The following ADAM29 variants were observed in gnomAD, a reference collection of about 807,000 sequenced individuals.
ADAM29 encodes the protein ADAM metallopeptidase domain 29.
For synonymous variants in ADAM29, 367 were observed against 342.3 expected (o/e 1.07, Z -0.80); for missense variants, 969 against 1,001.8 (o/e 0.97, Z 0.44).
Position 174,976,299 on chromosome 4 carries a change from A to G in ADAM29, c.774A>G (p.Val258=). The G allele has an allele frequency of 6.2e-7, 1 of 1,612,440 alleles. No homozygotes were observed. The highest frequency in any genetic ancestry group is 8.5e-7 in the Non-Finnish European group (1 of 1,179,564). The change falls in exon 5 of 5, where the codon GTA becomes GTG. Residue 258 remains valine, a synonymous_variant. Transcript: ENST00000359240. ...TCTGGACCAATAAAAACCTCATTGT[A>G]GTAGATGATGTAAGGAAATCTGTGC... The part of the protein sequence containing the change: ...LEIWTNKNLI[V]VDDVRKSVHL...
chr4:174,919,328 C>T (rs1372443302), intron 1 of ADAM29, among the ~76,000 whole-genome samples: 1 of 152,092 alleles, frequency 6.6e-6, no homozygotes, highest in Non-Finnish European at 1.5e-5. Flanking sequence ...TTCTTTGGGT[C>T]TCATTCACTA....
intron 2 of ADAM29, among the ~76,000 whole-genome samples, chr4:174,929,709 A>G (rs1266275467): frequency 6.7e-6 from 1 of 148,226 alleles, no homozygotes; most frequent in Non-Finnish European, 1.5e-5. Flanking sequence ...ACATAATTTC[A>G]TTGTTTATAC....
rs374793685 is a variant in ADAM29, at chr4:174,975,107, G to A, written c.-180-239G>A. On this transcript the variant is annotated intron_variant, in intron 4 of 4. Coordinates refer to ENST00000359240, the MANE Select transcript of ADAM29 (RefSeq NM_014269.4). Reference sequence around the variant, plus strand: ...CTGTATAGTGAATCAATTTCCCACCGTTTATATTCAATAACTATCTGTGTA... The same window carrying A: ...CTGTATAGTGAATCAATTTCCCACCATTTATATTCAATAACTATCTGTGTA... Among the ~76,000 whole-genome samples the A allele has an allele frequency of 2.6e-3, 401 of 152,074 alleles. 1 individual carries two copies. The highest frequency in any genetic ancestry group is 2.9e-3 in the Non-Finnish European group (198 of 67,980).
chr4:174,977,825 A>G lies in ADAM29; in HGVS notation c.2300A>G (p.Gln767Arg), dbSNP rs1175133805. The G allele has an allele frequency of 3.2e-6, 5 of 1,586,602 alleles. No homozygotes were observed. Among genetic ancestry groups the G allele is most frequent in the Non-Finnish European group, 4.3e-6 (5 of 1,162,682 alleles). Residue 767 changes from glutamine to arginine, a missense_variant, in exon 5 of 5, where the codon CAG becomes CGG. Coordinates refer to ENST00000359240, the MANE Select transcript of ADAM29 (RefSeq NM_014269.4). ...SQSQPPVTPS[Q>R]SQPRVMPSQS... ...AGTCAACCTCCTGTGACACCCTCCC[A>G]GAGTCAACCTCGGGTGATGCCTTCT...
intron 4 of ADAM29, 110 bp from the exon 5 acceptor site, chr4:174,975,236 A>G (rs1188899714): frequency 3.6e-6 from 1 of 278,550 alleles, no homozygotes; most frequent in Non-Finnish European, 6.6e-6. Flanking sequence ...TGAAAGCACT[A>G]ATCACTTTTA....
intron 2 of ADAM29, among the ~76,000 whole-genome samples, chr4:174,930,690 C>T (rs1235129673): frequency 2.6e-5 from 4 of 152,044 alleles, no homozygotes; most frequent in Non-Finnish European, 5.9e-5. Flanking sequence ...CTCCTTTTCT[C>T]CTAGAATCAG....
chr4:174,959,436 G>T (rs1407848352), intron 4 of ADAM29, among the ~76,000 whole-genome samples: 1 of 149,484 alleles, frequency 6.7e-6, no homozygotes, highest in Admixed American at 6.7e-5. Context: ...TTCCTACTGT[G>T]GTTTGTGTGT....
intron 4 of ADAM29, among the ~76,000 whole-genome samples, chr4:174,952,521 AT>A (rs2111023532): frequency 6.6e-6 from 1 of 152,314 alleles, no homozygotes; most frequent in African/African-American, 2.4e-5. Flanking sequence ...CAGTTAATAT[AT>A]TTTTTAAAGA....
chr4:174,930,910 T>G (rs931309304), intron 2 of ADAM29, 76 bp from the exon 3 acceptor site: 24 of 152,160 alleles, frequency 1.6e-4, no homozygotes, highest in African/African-American at 5.6e-4. Flanking sequence ...TTTTAGCTCA[T>G]CAAACTGCTG....
chr4:174,977,942 C>A lies in ADAM29; in HGVS notation c.2417C>A (p.Pro806His). The A allele has an allele frequency of 2.5e-6, 4 of 1,578,112 alleles. No homozygotes were observed. Among genetic ancestry groups the A allele is most frequent in the Non-Finnish European group, 3.5e-6 (4 of 1,157,336 alleles). Residue 806 changes from proline to histidine, a missense_variant, in exon 5 of 5, where the codon CCT becomes CAT. Coordinates refer to ENST00000359240, the MANE Select transcript of ADAM29 (RefSeq NM_014269.4). ...CCTGTGACACCCTCCCAGAGGCAAC[C>A]TCAGTTGATGCCTTCCCAGAGTCAA... ...QPPVTPSQRQPQLMPSQSQPP... is the reference protein window; with the variant it reads ...QPPVTPSQRQHQLMPSQSQPP...
At chr4:174,945,948 T>C (rs1174974642) in intron 4 of ADAM29, among the ~76,000 whole-genome samples, 1 of 152,184 alleles carries the variant, frequency 6.6e-6, no homozygotes, top group East Asian at 1.9e-4. Flanking sequence ...TTGTTCTTTT[T>C]GCTTAGAATT....
At chr4:174,972,111 C>G (rs987188281) in intron 4 of ADAM29, among the ~76,000 whole-genome samples, 1 of 152,126 alleles carries the variant, frequency 6.6e-6, no homozygotes, top group Non-Finnish European at 1.5e-5. Flanking sequence ...CTCTTGACCT[C>G]CATAAACATC....
Position 174,975,553 on chromosome 4 carries a change from C to T in ADAM29, c.28C>T (p.Leu10Phe), listed in dbSNP as rs1456628852. Residue 10 changes from leucine to phenylalanine, a missense_variant, in exon 5 of 5, where the codon CTT becomes TTT. By Grantham distance (22) the Leu-to-Phe change is conservative. Transcript: ENST00000359240. MKMLLLLHC[L>F]GVFLSCSGHI... ...GAAGATGTTACTCCTGCTGCATTGCCTTGGGGTGTTTCTGTCCTGTTCTGG... is the reference window on the plus strand; with the variant it reads ...GAAGATGTTACTCCTGCTGCATTGCTTTGGGGTGTTTCTGTCCTGTTCTGG... 2 of 1,527,732 alleles carry T rather than the reference C, an allele frequency of 1.3e-6. No individual in the cohort carries two copies. Among genetic ancestry groups the T allele is most frequent in the East Asian group, 2.3e-5 (1 of 44,012 alleles). The allele number at this position is 1,527,732 out of a possible 1,614,324, so 94.6% of individuals were successfully genotyped here.
intron 3 of ADAM29, among the ~76,000 whole-genome samples, chr4:174,934,796 G>T (rs1429288870): frequency 1.3e-5 from 2 of 152,134 alleles, no homozygotes; most frequent in Non-Finnish European, 2.9e-5. Flanking sequence ...TGTCTAGTGA[G>T]TCTGTTCATC....
In ADAM29 at chr4:174,977,395, A is replaced by G. The variant is rs1336548305; in HGVS notation, c.1870A>G (p.Asn624Asp). The G allele has an allele frequency of 5.0e-6, 8 of 1,614,016 alleles. No individual in the cohort carries two copies. In the Admixed American group the frequency reaches 1.2e-4, roughly 24 times the overall value. ...HCVHITILNS[N>D]CSPAFCNKRG... ...TGTCCATATAACCATCTTGAATAGTAATTGCTCACCTGCATTTTGTAACAA... is the reference window on the plus strand; with the variant it reads ...TGTCCATATAACCATCTTGAATAGTGATTGCTCACCTGCATTTTGTAACAA... Residue 624 changes from asparagine (N) to aspartate (D), a missense_variant, in exon 5 of 5, where the codon AAT becomes GAT. Asn to Asp is a conservative substitution (Grantham distance 23). Coordinates refer to ENST00000359240, the MANE Select transcript of ADAM29 (RefSeq NM_014269.4).
chr4:174,930,949 T>C (rs1743827010), intron 2 of ADAM29, 37 bp from the exon 3 acceptor site: 2 of 152,168 alleles, frequency 1.3e-5, no homozygotes, highest in South Asian at 2.1e-4. Context: ...CTAATTAATA[T>C]TCTTCAGCAG....
intron 2 of ADAM29, among the ~76,000 whole-genome samples, chr4:174,926,301 G>A (rs971170299): frequency 2.0e-5 from 3 of 151,842 alleles, no homozygotes; most frequent in Non-Finnish European, 4.4e-5. Flanking sequence ...CCTGCCTTCC[G>A]GTCATAAGCA....
intron 4 of ADAM29, among the ~76,000 whole-genome samples, chr4:174,966,297 C>G (rs1746154693): frequency 6.6e-6 from 1 of 152,144 alleles, no homozygotes; most frequent in Non-Finnish European, 1.5e-5. Flanking sequence ...TATATTCATT[C>G]CATTTTAACA....
intron 4 of ADAM29, among the ~76,000 whole-genome samples, chr4:174,955,619 A>C (rs996885451): frequency 6.6e-6 from 1 of 151,626 alleles, no homozygotes; most frequent in Non-Finnish European, 1.5e-5. Flanking sequence ...ATAAGATCTC[A>C]AAATTTGTTA....
Sources: gnomAD v4.1 joint callset for allele counts (sites outside exome capture counted in the v4.1 genomes callset) on GRCh38, gnomAD v4.1.1 for gene constraint, MANE v1.5 for transcripts, NCBI Gene and HGNC (gene_info 2026-07-23, HGNC 2026-07-21) for gene names.